Variants in CDH2 observed in about 807,000 individuals in gnomAD.
CDH2 encodes cadherin-2.
CDH2 carries 17 observed loss-of-function variants against 92.0 expected under a neutral mutation model. That is an observed-to-expected ratio of 0.18 (90% CI 0.13 to 0.28). The LOEUF (loss-of-function observed/expected upper bound fraction) is 0.28, where lower values mean the gene tolerates loss of function less well. Ranked by LOEUF, CDH2 falls within the 10% of genes least tolerant of loss-of-function variation. The probability of loss-of-function intolerance (pLI) is 1.00; values close to 1 mark genes in which losing one functional copy is unlikely to be tolerated. For missense variants in CDH2, 862 were observed against 1,133.1 expected (o/e 0.76, Z 3.44); for synonymous variants, 419 against 415.9 (o/e 1.01, Z -0.09).
chr18:27,970,843 T>C (rs1031796108), intron 14 of CDH2, among the ~76,000 whole-genome samples: 22 of 152,294 alleles, frequency 1.4e-4, no homozygotes, highest in South Asian at 8.3e-4. Flanking sequence ...AGCATAAAAG[T>C]AGTCATAGAT....
intron 2 of CDH2, among the ~76,000 whole-genome samples, chr18:28,115,751 G>A (rs1366668440): frequency 6.6e-6 from 1 of 152,044 alleles, no homozygotes; most frequent in Admixed American, 6.6e-5. Flanking sequence ...TGAATTTTAC[G>A]ACACTTTTTT....
intron 2 of CDH2, among the ~76,000 whole-genome samples, chr18:28,113,704 G>A (rs561791941): frequency 9.8e-4 from 149 of 151,998 alleles, no homozygotes; most frequent in Non-Finnish European, 1.6e-3. Context: ...AATACACATA[G>A]TTTAAAAAAA....
intron 2 of CDH2, among the ~76,000 whole-genome samples, chr18:28,045,850 T>C (rs2014064424): frequency 6.6e-6 from 1 of 152,062 alleles, no homozygotes; most frequent in Non-Finnish European, 1.5e-5. Context: ...TGAATAAAGG[T>C]AGAAAGCAGA....
chr18:28,146,465 G>A (rs1255627745), intron 2 of CDH2: 1 of 152,100 alleles, frequency 6.6e-6, no homozygotes, highest in African/African-American at 2.4e-5. Context: ...TAGCAATTCA[G>A]TGTTGAGACA....
chr18:28,076,750 C>G lies in CDH2; in HGVS notation c.173-62841G>C, dbSNP rs924583904. On this transcript the variant is annotated intron_variant, in intron 2 of 15. Transcript: ENST00000269141. ...GTTCCCCTTCCTGTGTCCAAGTGTT[C>G]TCACTGTTCAATTGAACAATGAGGA... 4.6e-4 allele frequency among the ~76,000 whole-genome samples: 65 copies of G among 140,160 alleles called. 1 individual carries two copies. Among genetic ancestry groups the G allele is most frequent in the African/African-American group, 1.7e-3 (63 of 37,848 alleles). The allele number at this position is 140,160 out of a possible 152,430, so 92.0% of individuals were successfully genotyped here.
chr18:27,973,234 C>G (rs567381457), intron 14 of CDH2, among the ~76,000 whole-genome samples: 34 of 150,480 alleles, frequency 2.3e-4, no homozygotes, highest in Middle Eastern at 6.8e-3. Flanking sequence ...ATAAAAAAAT[C>G]AACTTCATTG....
At chr18:28,115,921 T>C (rs2015489315) in intron 2 of CDH2, among the ~76,000 whole-genome samples, 1 of 152,180 alleles carries the variant, frequency 6.6e-6, no homozygotes, top group Admixed American at 6.6e-5. Flanking sequence ...CGTTATTCTT[T>C]CTTGGAAAAG....
At chr18:28,053,734 T>C (rs554637308) in intron 2 of CDH2, among the ~76,000 whole-genome samples, 18 of 152,360 alleles carry the variant, frequency 1.2e-4, no homozygotes, top group Non-Finnish European at 7.3e-5. Flanking sequence ...TTAACATCTT[T>C]ATACTAAATT....
intron 4 of CDH2, among the ~76,000 whole-genome samples, chr18:28,010,113 T>C (rs943756478): frequency 2.6e-5 from 4 of 152,188 alleles, no homozygotes; most frequent in African/African-American, 9.6e-5. Context: ...GAAAACTCAC[T>C]AGGAGCAGTG....
chr18:28,118,848 G>A (rs997863056), intron 2 of CDH2, among the ~76,000 whole-genome samples: 2 of 152,096 alleles, frequency 1.3e-5, no homozygotes, highest in Middle Eastern at 3.4e-3. Context: ...ACTCTGAACT[G>A]CTTATGAAAG....
At chr18:28,168,533 GA>G (rs2016418660) in intron 1 of CDH2, 1 of 200,464 alleles carries the variant, frequency 5.0e-6, no homozygotes, top group African/African-American at 2.4e-5. Context: ...TGTGGCCTGA[GA>G]GTTTATAGGC....
intron 2 of CDH2, among the ~76,000 whole-genome samples, chr18:28,074,563 G>T (rs2014682373): frequency 6.6e-6 from 1 of 151,668 alleles, no homozygotes; most frequent in Non-Finnish European, 1.5e-5. Flanking sequence ...TAGTTTTTTT[G>T]GGTGTGTTTA....
chr18:27,938,232 C>T (rs543988740), intron 6 of CDH2, among the ~76,000 whole-genome samples: 1 of 152,192 alleles, frequency 6.6e-6, no homozygotes, highest in Admixed American at 6.5e-5. Flanking sequence ...CAGCATTATG[C>T]TTCCTGTACA....
chr18:28,112,494 G>A (rs961631428), intron 2 of CDH2, among the ~76,000 whole-genome samples: 3 of 152,184 alleles, frequency 2.0e-5, no homozygotes, highest in Non-Finnish European at 2.9e-5. Flanking sequence ...AAAAGGCTGT[G>A]AAGTTTATGT....
chr18:28,120,275 T>A (rs992431379), intron 2 of CDH2, among the ~76,000 whole-genome samples: 2 of 151,872 alleles, frequency 1.3e-5, no homozygotes, highest in Non-Finnish European at 2.9e-5. Context: ...ATATATATAT[T>A]TTGTATGTAT....
chr18:27,977,508 C>T (rs911853283), intron 14 of CDH2, among the ~76,000 whole-genome samples: 16 of 152,126 alleles, frequency 1.1e-4, no homozygotes, highest in Admixed American at 7.2e-4. Flanking sequence ...TTGTAAAAGA[C>T]TACTTTGCTT....
chr18:27,994,855 C>T (rs2012530515), intron 7 of CDH2, among the ~76,000 whole-genome samples: 1 of 152,018 alleles, frequency 6.6e-6, no homozygotes, highest in African/African-American at 2.4e-5. Flanking sequence ...TGTCTGTCCA[C>T]CCAAATGCCA....
At chr18:28,079,786 T>C (rs999176962) in intron 2 of CDH2, among the ~76,000 whole-genome samples, 3 of 152,206 alleles carry the variant, frequency 2.0e-5, no homozygotes, top group Non-Finnish European at 4.4e-5. Flanking sequence ...CTAGCATGTG[T>C]AGTGGGTCAC....
At position 27,993,580 on chromosome 18, in the gene CDH2, A is replaced by G; in HGVS notation, c.1078T>C (p.Tyr360His). ...QATDMEGNPT[Y>H]GLSNTATAVI... ...GCCGTGGCTGTGTTTGAAAGGCCAT[A>G]TGTGGGATTGCCTTCCATGTCTGTA... Residue 360 changes from tyrosine (Y) to histidine (H), a missense_variant, in exon 8 of 16, where the codon TAT becomes CAT. Transcript: ENST00000269141. 6.2e-7 allele frequency: 1 copy of G among 1,613,754 alleles called. No individual in the cohort carries two copies. The highest frequency in any genetic ancestry group is 8.5e-7 in the Non-Finnish European group (1 of 1,179,636).
Sources: gnomAD v4.1 joint callset for allele counts (sites outside exome capture counted in the v4.1 genomes callset) on GRCh38, gnomAD v4.1.1 for gene constraint, MANE v1.5 for transcripts, NCBI Gene and HGNC (gene_info 2026-07-23, HGNC 2026-07-21) for gene names.